Variants in PCDH19 observed in about 807,000 individuals in gnomAD.
The protein encoded by PCDH19 is protocadherin 19, also known as protocadherin-19.
A neutral mutation model predicts 46.2 loss-of-function variants in PCDH19; 6 were observed. The ratio of observed to expected loss-of-function variants is 0.13; its 90% CI spans 0.07 to 0.26. The LOEUF is 0.26. PCDH19 is among the 10% of genes least tolerant of loss of function. The pLI is 1.00. For synonymous variants in PCDH19, 481 were observed against 415.7 expected (o/e 1.16, Z -1.91); for missense variants, 740 against 972.3 (o/e 0.76, Z 3.18).
At chrX:100,362,819 T>C (rs1251836506) in intron 3 of PCDH19, among the ~76,000 whole-genome samples, 1 of 106,433 alleles carries the variant, frequency 9.4e-6, no homozygotes, top group African/African-American at 3.4e-5. Flanking sequence ...AAAGTTACTC[T>C]GGTGATTGTT....
intron 3 of PCDH19, among the ~76,000 whole-genome samples, chrX:100,381,488 A>T (rs925812381): frequency 3.6e-5 from 4 of 111,998 alleles, no homozygotes; most frequent in Middle Eastern, 4.6e-3. Flanking sequence ...TGCTTACTTG[A>T]TATGCTGTGG....
At position 100,408,055 on chromosome X, in the gene PCDH19, G is replaced by C; in HGVS notation, c.543C>G (p.Arg181=). 8.3e-7 allele frequency: 1 copy of C among 1,209,120 alleles called. No homozygotes were observed. Among genetic ancestry groups the C allele is most frequent in the Non-Finnish European group, 1.1e-6 (1 of 895,607 alleles). ...GTTCGGCAAAGCGGGAGCCGTCGCC[G>C]CGCGTCTTGATCTCCAGGCCGAACA... ...NELFGLEIKT[R]GDGSRFAELV... Residue 181 remains arginine, a synonymous_variant, in exon 1 of 6, where the codon CGC becomes CGG. Coordinates refer to ENST00000373034, the MANE Select transcript of PCDH19 (RefSeq NM_001184880.2).
intron 5 of PCDH19, among the ~76,000 whole-genome samples, chrX:100,340,914 T>TTA (rs1926234879): frequency 8.9e-6 from 1 of 112,111 alleles, no homozygotes. Flanking sequence ...CTTTTAGCAG[T>TTA]AGGGCTTCCA....
chrX:100,297,032 G>A (rs1602567529), intron 5 of PCDH19, among the ~76,000 whole-genome samples, 157 bp from the exon 6 acceptor site: 1 of 111,392 alleles, frequency 9.0e-6, no homozygotes, highest in East Asian at 2.8e-4. Flanking sequence ...TGAAGAACTG[G>A]ATTTTTTTAA....
At chrX:100,395,176 C>A (rs905301331) in intron 3 of PCDH19, among the ~76,000 whole-genome samples, 1 of 112,058 alleles carries the variant, frequency 8.9e-6, no homozygotes, top group East Asian at 2.8e-4. Context: ...CGTGAGCCAC[C>A]GCGCCCGGCC....
chrX:100,305,711 A>T (rs767683112), intron 5 of PCDH19, among the ~76,000 whole-genome samples: 2 of 111,913 alleles, frequency 1.8e-5, no homozygotes, highest in South Asian at 7.5e-4. Flanking sequence ...AACTTAAGGT[A>T]AAGGGGTTAG....
rs1482631332 is a variant in PCDH19, at chrX:100,296,290, T to C, written c.3434A>G (p.Asp1145Gly). ...CTGGAGACTGGTTTAGAGAACGATA[T>C]CCTTCAGACGCTTCACACCAGGGGA... ...KESPGVKRLKDIVL is the reference protein window; with the variant it reads ...KESPGVKRLKGIVL Residue 1145 changes from aspartate (D) to glycine (G), a missense_variant, in exon 6 of 6, where the codon GAT becomes GGT. Physicochemically the swap from Asp to Gly is moderately conservative, Grantham distance 94. Coordinates refer to ENST00000373034, the MANE Select transcript of PCDH19 (RefSeq NM_001184880.2). 8.3e-7 allele frequency: 1 copy of C among 1,206,724 alleles called. No homozygotes were observed.
chrX:100,383,715 G>A (rs1434904318), intron 3 of PCDH19, among the ~76,000 whole-genome samples: 1 of 112,052 alleles, frequency 8.9e-6, no homozygotes, highest in Non-Finnish European at 1.9e-5. Context: ...AATCATTTTT[G>A]AGACTTAACA....
chrX:100,309,153 T>C (rs868212892), intron 5 of PCDH19, among the ~76,000 whole-genome samples: 2 of 10,527 alleles, frequency 1.9e-4, no homozygotes, highest in Non-Finnish European at 5.9e-4. Context: ...ATGTGATGCA[T>C]GCACACACAC....
intron 5 of PCDH19, among the ~76,000 whole-genome samples, chrX:100,321,543 T>C (rs1440136625): frequency 4.5e-5 from 5 of 111,745 alleles, no homozygotes; most frequent in Admixed American, 1.9e-4. Context: ...TTTTTTCATA[T>C]GTTTGTTGGC....
At chrX:100,333,518 C>T (rs1360987790) in intron 5 of PCDH19, among the ~76,000 whole-genome samples, 1 of 111,700 alleles carries the variant, frequency 9.0e-6, no homozygotes, top group Non-Finnish European at 1.9e-5. Flanking sequence ...CTTTCTTCAC[C>T]GATCCTATGT....
chrX:100,378,776 G>A (rs894303981), intron 3 of PCDH19, among the ~76,000 whole-genome samples: 1 of 112,272 alleles, frequency 8.9e-6, no homozygotes, highest in Non-Finnish European at 1.9e-5. Flanking sequence ...ACTATACTAA[G>A]CTGCACACTT....
At chrX:100,345,144 CTG>C (rs1926361256) in intron 4 of PCDH19, among the ~76,000 whole-genome samples, 2 of 111,465 alleles carry the variant, frequency 1.8e-5, no homozygotes, top group Non-Finnish European at 1.9e-5. Context: ...CAAAGAGACT[CTG>C]TACATGAAGT....
chrX:100,398,948 C>T (rs754074892), intron 3 of PCDH19, among the ~76,000 whole-genome samples: 2 of 111,744 alleles, frequency 1.8e-5, no homozygotes, highest in African/African-American at 3.3e-5. Flanking sequence ...AAGAATGTAA[C>T]GTGCTCAGGA....
intron 3 of PCDH19, among the ~76,000 whole-genome samples, chrX:100,356,697 A>G (rs1452238061): frequency 9.0e-6 from 1 of 110,623 alleles, no homozygotes; most frequent in Non-Finnish European, 1.9e-5. Context: ...CGTGCTAGGT[A>G]AACTCCTACT....
intron 5 of PCDH19, among the ~76,000 whole-genome samples, chrX:100,321,250 C>T (rs1418089292): frequency 1.8e-5 from 2 of 111,567 alleles, no homozygotes; most frequent in African/African-American, 6.5e-5. Context: ...GTATCTTTTT[C>T]GTATGACGAC....
At chrX:100,394,081 C>T (rs1927947007) in intron 3 of PCDH19, among the ~76,000 whole-genome samples, 1 of 111,824 alleles carries the variant, frequency 8.9e-6, no homozygotes, top group African/African-American at 3.3e-5. Context: ...GCAGCAGAAT[C>T]GCTTGAACCC....
chrX:100,356,258 C>A (rs1926710305), intron 3 of PCDH19, among the ~76,000 whole-genome samples: 1 of 111,767 alleles, frequency 8.9e-6, no homozygotes. Context: ...GTCATTTTAG[C>A]AATCAAAACA....
rs973133784 is a variant in PCDH19, at chrX:100,409,711, C to G, written c.-1114G>C. The stretch of plus-strand genomic sequence containing the variant: ...TGGGCTGGGGTGTCGCTCCAAGGTC[C>G]GCCGCCGCCGCCGCCGCCGCCGCCG... On this transcript the variant is annotated 5_prime_UTR_variant, in exon 1 of 6. Transcript: ENST00000373034. 1.0e-4 allele frequency: 15 copies of G among 149,472 alleles called. No individual in the cohort carries two copies. The highest frequency in any genetic ancestry group is 7.2e-4 in the Admixed American group (8 of 11,150). The allele number at this position is 149,472 out of a possible 1,213,427, so 12.3% of individuals were successfully genotyped here.
Sources: gnomAD v4.1 joint callset for allele counts (sites outside exome capture counted in the v4.1 genomes callset) on GRCh38, gnomAD v4.1.1 for gene constraint, MANE v1.5 for transcripts, NCBI Gene and HGNC (gene_info 2026-07-23, HGNC 2026-07-21) for gene names.